SFTPD: variants seen among roughly 807,000 people sequenced by gnomAD.
SFTPD encodes surfactant protein D.
A neutral mutation model predicts 34.6 loss-of-function variants in SFTPD; 18 were observed. The observed-to-expected ratio is 0.52, with a 90% CI of 0.36 to 0.77. SFTPD has a LOEUF of 0.77. SFTPD is among the 30% of genes least tolerant of loss of function. The pLI, the probability that SFTPD is intolerant of heterozygous loss-of-function variation, is 0.00. For synonymous variants in SFTPD, 155 were observed against 180.9 expected (o/e 0.86, Z 1.15); for missense variants, 433 against 468.9 (o/e 0.92, Z 0.71).
Position 79,941,476 on chromosome 10 carries a change from C to T in SFTPD, c.589G>A (p.Ala197Thr). 1 of 1,612,638 alleles carries T rather than the reference C, an allele frequency of 6.2e-7. No individual in the cohort carries two copies. Among genetic ancestry groups the T allele is most frequent in the Middle Eastern group, 1.7e-4 (1 of 6,052 alleles). Residue 197 changes from alanine (A) to threonine (T), a missense_variant, in exon 6 of 8, where the codon GCC becomes ACC. Physicochemically the swap from Ala to Thr is moderately conservative, Grantham distance 58. Coordinates refer to ENST00000372292, the MANE Select transcript of SFTPD (RefSeq NM_003019.5). Reference protein sequence around the residue: ...GAMGPQGSPGARGPPGLKGDK... With the variant: ...GAMGPQGSPGTRGPPGLKGDK... ...CCCTTCAATCCCGGGGGTCCCCTGG[C>T]ACCTGGACTTCCCTGGGGACCCATG...
At chr10:79,965,223 A>G (rs1221028401) in intron 1 of SFTPD, among the ~76,000 whole-genome samples, 3 of 152,134 alleles carry the variant, frequency 2.0e-5, no homozygotes, top group Non-Finnish European at 4.4e-5. Context: ...GGTCCTCCCA[A>G]TTCTTAGTCC....
chr10:79,958,210 A>G (rs1842751382), intron 1 of SFTPD, among the ~76,000 whole-genome samples: 1 of 152,234 alleles, frequency 6.6e-6, no homozygotes, highest in African/African-American at 2.4e-5. Context: ...CAAAATGTAA[A>G]GACCGTCAAG....
intron 1 of SFTPD, among the ~76,000 whole-genome samples, chr10:79,958,154 T>A (rs1564532985): frequency 6.6e-6 from 1 of 152,104 alleles, no homozygotes. Flanking sequence ...AAGGAAGCAC[T>A]AAACATGGAA....
chr10:79,965,462 C>T (rs1418194295), intron 1 of SFTPD, among the ~76,000 whole-genome samples: 2 of 151,648 alleles, frequency 1.3e-5, no homozygotes, highest in East Asian at 3.9e-4. Context: ...CCCTGAGAAA[C>T]ATCACCATTA....
At chr10:79,956,986 G>A (rs1589339289) in intron 1 of SFTPD, among the ~76,000 whole-genome samples, 2 of 150,432 alleles carry the variant, frequency 1.3e-5, no homozygotes, top group African/African-American at 2.4e-5. Flanking sequence ...CAGCATTTGC[G>A]GTTCACCAAG....
At chr10:79,947,986 C>G (rs886146969) in intron 1 of SFTPD, among the ~76,000 whole-genome samples, 4 of 152,260 alleles carry the variant, frequency 2.6e-5, no homozygotes, top group African/African-American at 9.6e-5. Flanking sequence ...ACCAGGCCAA[C>G]TGGGGTGGTG....
At chr10:79,957,489 A>C (rs926143730) in intron 1 of SFTPD, among the ~76,000 whole-genome samples, 7 of 152,222 alleles carry the variant, frequency 4.6e-5, no homozygotes, top group African/African-American at 1.7e-4. Context: ...AGGCTCAAGA[A>C]CTACGTGAAG....
intron 1 of SFTPD, chr10:79,972,776 G>A (rs545788469): frequency 2.0e-5 from 3 of 152,320 alleles, no homozygotes; most frequent in African/African-American, 7.2e-5. Context: ...CCAAGGTAAT[G>A]AGAAAAGGTG....
At chr10:79,962,528 A>G (rs144389646) in intron 1 of SFTPD, among the ~76,000 whole-genome samples, 1 of 152,160 alleles carries the variant, frequency 6.6e-6, no homozygotes, top group East Asian at 1.9e-4. Flanking sequence ...ATAATTTTCT[A>G]AAGCTATTTT....
upstream of SFTPD, among the ~76,000 whole-genome samples, chr10:79,952,282 C>A (rs1842714655): frequency 6.6e-6 from 1 of 152,226 alleles, no homozygotes; most frequent in South Asian, 2.1e-4. Context: ...CCCCAGGAGC[C>A]CTCAAAAGCC....
chr10:79,962,340 C>T (rs897335556), intron 1 of SFTPD, among the ~76,000 whole-genome samples: 1 of 151,872 alleles, frequency 6.6e-6, no homozygotes, highest in Non-Finnish European at 1.5e-5. Flanking sequence ...CTTAGACAAT[C>T]AATTTTAACA....
intron 1 of SFTPD, among the ~76,000 whole-genome samples, chr10:79,954,546 TG>T (rs1224047573): frequency 3.3e-5 from 5 of 151,896 alleles, no homozygotes; most frequent in African/African-American, 1.2e-4. Flanking sequence ...GGTGGGTGGG[TG>T]GTGGGTGCTG....
upstream of SFTPD, among the ~76,000 whole-genome samples, chr10:79,952,545 T>A (rs902319534): frequency 1.3e-5 from 2 of 152,122 alleles, no homozygotes; most frequent in Admixed American, 6.5e-5. Flanking sequence ...AATGAACTGG[T>A]TTCTTTTATC....
At chr10:79,973,082 T>C (rs953101956) in intron 1 of SFTPD, 2 of 151,888 alleles carry the variant, frequency 1.3e-5, no homozygotes, top group African/African-American at 4.8e-5. Flanking sequence ...AAAGTTACAA[T>C]AGCCCCTCCA....
At chr10:79,968,731 T>C (rs1842818172) in intron 1 of SFTPD, 1 of 152,204 alleles carries the variant, frequency 6.6e-6, no homozygotes, top group Non-Finnish European at 1.5e-5. Context: ...TAGTTCTAAG[T>C]TCTTTGAAAA....
At chr10:79,938,751 G>A (rs1842582815) in intron 7 of SFTPD, among the ~76,000 whole-genome samples, 1 of 152,198 alleles carries the variant, frequency 6.6e-6, no homozygotes, top group Non-Finnish European at 1.5e-5. Context: ...GTGTGATGGG[G>A]TGATGAAAGG....
At chr10:79,956,343 C>T (rs1432734034) in intron 1 of SFTPD, among the ~76,000 whole-genome samples, 1 of 152,244 alleles carries the variant, frequency 6.6e-6, no homozygotes, top group Non-Finnish European at 1.5e-5. Context: ...CGAGCCAAAG[C>T]AGGGCGAGGC....
chr10:79,977,832 TC>T (rs1842871224), intron 1 of SFTPD, among the ~76,000 whole-genome samples: 1 of 74,514 alleles, frequency 1.3e-5, no homozygotes, highest in African/African-American at 5.1e-5. Flanking sequence ...TTCCTCTCTT[TC>T]TTTCATTATC....
In SFTPD at chr10:79,968,909, A is replaced by G. The variant is rs532500296; in HGVS notation, c.36+13666T>C. On this transcript the variant is annotated intron_variant, in intron 1 of 5. Transcript: ENST00000444384. ...TATCTCATGGTTCTTATTTGCATTT[A>G]TCTGATGATTAGTGATATTGAGCAT... is the stretch of plus-strand genomic sequence containing the variant. The G allele has an allele frequency of 7.9e-5, 12 of 152,050 alleles. No homozygotes were observed. The South Asian group carries it at 1.5e-3, about 18-fold the overall frequency. 9.4% of individuals were successfully genotyped at this position (152,050 alleles called of 1,614,324 possible).
Sources: allele counts gnomAD v4.1 joint callset (sites outside exome capture counted in the v4.1 genomes callset), GRCh38; gene constraint gnomAD v4.1.1; transcripts MANE v1.5; gene names NCBI Gene and HGNC (gene_info 2026-07-23, HGNC 2026-07-21).